NBPF9: variants seen among roughly 807,000 people sequenced by gnomAD.
NBPF9 encodes the protein NBPF member 9.
In NBPF9, 91 loss-of-function variants were observed where a neutral mutation model predicts 97.8. The observed-to-expected ratio is 0.93, with a 90% CI of 0.79 to 1.11. NBPF9 has a LOEUF of 1.11. NBPF9 is among the 50% of genes least tolerant of loss of function. The pLI, the probability that NBPF9 is intolerant of heterozygous loss-of-function variation, is 0.00. For missense variants in NBPF9, 992 were observed against 939.5 expected, an observed-to-expected ratio of 1.06 and a Z score of -0.73; for synonymous variants, 334 against 359.5, an observed-to-expected ratio of 0.93 and a Z score of 0.80.
chr1:149,062,410 G>A (rs2078677547), intron 21 of NBPF9, 145 bp from the exon 22 acceptor site: 5 of 679,220 alleles, frequency 7.4e-6, no homozygotes, highest in Non-Finnish European at 1.1e-5. Context: ...TTGCCTTTAG[G>A]TTGGGATAGA....
At chr1:149,074,247 G>C (rs2079659134) in intron 12 of NBPF9, among the ~76,000 whole-genome samples, 1 of 151,232 alleles carries the variant, frequency 6.6e-6, no homozygotes, top group Non-Finnish European at 1.5e-5. Context: ...TGTACAGTCG[G>C]GAAGGCCCCT....
intron 16 of NBPF9, among the ~76,000 whole-genome samples, chr1:149,070,664 C>G (rs1357264318): frequency 6.6e-6 from 1 of 151,880 alleles, no homozygotes; most frequent in African/African-American, 2.4e-5. Flanking sequence ...TGAATCGAAG[C>G]TAGGAGGCCT....
chr1:149,058,795 T>A (rs1464314487), intron 26 of NBPF9, 130 bp downstream of exon 26: 2 of 679,166 alleles, frequency 2.9e-6, no homozygotes, highest in African/African-American at 3.8e-5. Context: ...CATTACAACC[T>A]ATATGCGCCC....
intron 19 of NBPF9, 125 bp from the exon 20 acceptor site, chr1:149,063,930 T>G (rs2152876462): frequency 1.5e-6 from 1 of 672,186 alleles, no homozygotes; most frequent in South Asian, 1.8e-5. Flanking sequence ...ATTAATGAGG[T>G]AACAAATTAT....
In NBPF9 at chr1:149,101,261, C is replaced by G. The variant is rs1174938021; in HGVS notation, c.-606+1G>C. 1.3e-5 allele frequency: 2 copies of G among 149,386 alleles called. No homozygotes were observed. Among genetic ancestry groups the G allele is most frequent in the Non-Finnish European group, 3.0e-5 (2 of 67,444 alleles). 9.3% of individuals were successfully genotyped at this position (149,386 alleles called of 1,614,324 possible). Reference sequence around the variant, plus strand: ...AAAGAGCTGAGTGTGGTGGTGCTCACCTGTAGGTCCCAGCTACTTGGGGGC... The same window carrying G: ...AAAGAGCTGAGTGTGGTGGTGCTCAGCTGTAGGTCCCAGCTACTTGGGGGC... On this transcript the variant is annotated splice_donor_variant, in intron 3 of 29. Transcript: ENST00000584027. LOFTEE classifies it low-confidence loss of function (5UTR_SPLICE).
chr1:149,055,860 G>T (rs782197514), exon 30 of NBPF9: 2 of 1,608,226 alleles, frequency 1.2e-6, no homozygotes, highest in African/African-American at 1.3e-5. Flanking sequence ...AGTCCTGCAA[G>T]ACTTCAGGCT....
intron 8 of NBPF9, among the ~76,000 whole-genome samples, 163 bp from the exon 9 acceptor site, chr1:149,079,384 T>C: frequency 1.3e-5 from 2 of 151,524 alleles, no homozygotes; most frequent in South Asian, 4.2e-4. Context: ...GAATAGAAAA[T>C]GGTTTACAGG....
chr1:149,065,945 C>T, intron 17 of NBPF9: 2 of 598,858 alleles, frequency 3.3e-6, no homozygotes. Flanking sequence ...CAGACTCTCC[C>T]TGTAAACTAC....
chr1:149,075,675 G>C lies in NBPF9; in HGVS notation c.968C>G (p.Ala323Gly), dbSNP rs587728611. Residue 323 changes from alanine (A) to glycine (G), a missense_variant, in exon 12 of 30, where the codon GCC (alanine) becomes GGC (glycine). Ala to Gly is a moderately conservative substitution (Grantham distance 60, BLOSUM62 0). Around this residue, in one of 11 missense-constraint regions of NBPF9, gnomAD observed 187 missense variants for 149.6 expected, o/e 1.25. Coordinates refer to ENST00000584027, the Ensembl canonical transcript of NBPF9. ...CTTACTGTATTTGTTCTGCTGGTTG[G>C]CCAGGAAGCCGGCCAGTTGAGTTAG... The C allele has an allele frequency of 1.1e-4, 176 of 1,609,866 alleles. No homozygotes were observed. The African/African-American group carries it at 2.1e-3, about 19-fold the overall frequency.
intron 5 of NBPF9, chr1:149,090,546 C>A: frequency 2.0e-6 from 1 of 494,284 alleles, no homozygotes; most frequent in Non-Finnish European, 3.6e-6. Context: ...AAATTTAAGC[C>A]TAATGCAATA....
At position 149,060,927 on chromosome 1, in the gene NBPF9, A is replaced by G. The variant is rs1200221731; in HGVS notation, c.2304-232T>C. The stretch of plus-strand genomic sequence containing the variant: ...CACACACACACACACACACACACAA[A>G]CACACACACACAGAGAACGAGCTCA... On this transcript the variant is annotated intron_variant, in intron 23 of 29. Coordinates refer to ENST00000584027, the Ensembl canonical transcript of NBPF9. 46 of 356,074 alleles carry G rather than the reference A, an allele frequency of 1.3e-4. 9 individuals carry two copies. The African/African-American group carries it at 1.5e-3, about 12-fold the overall frequency. The allele number at this position is 356,074 out of a possible 1,614,324, so 22.1% of individuals were successfully genotyped here. A position where few individuals can be genotyped will look rare whatever the true frequency, so the allele number is the denominator to read the frequency against.
Position 149,055,857 on chromosome 1 carries a change from C to T in NBPF9, c.3135G>A (p.Leu1045=), listed in dbSNP as rs28712116. 27,035 of 1,568,980 alleles carry T rather than the reference C, an allele frequency of 0.017. 4,603 individuals are homozygous for T. In the East Asian group the frequency reaches 0.37, roughly 22 times the overall value. Residue 1045 remains leucine (L), a synonymous_variant, in exon 30 of 30, where the codon TTG becomes TTA. Coordinates refer to ENST00000584027, the Ensembl canonical transcript of NBPF9. Reference sequence around the variant, plus strand: ...AATAACATCCATCCAGTGAGTCCTGCAAGACTTCAGGCTCTTCCACTTCCA... The same window carrying T: ...AATAACATCCATCCAGTGAGTCCTGTAAGACTTCAGGCTCTTCCACTTCCA...
intron 5 of NBPF9, among the ~76,000 whole-genome samples, chr1:149,088,326 T>A (rs1210065609): frequency 6.6e-6 from 1 of 151,894 alleles, no homozygotes; most frequent in African/African-American, 2.4e-5. Flanking sequence ...CTAGCATTGT[T>A]AACAAACACA....
At position 149,064,684 on chromosome 1, in the gene NBPF9, C is replaced by A. The variant is rs1279419322; in HGVS notation, c.1802-202G>T. ...TCTTTCATGAGCCTTGGGCAAAATT[C>A]CCCTGTGTTGGAATGTTATCTTCCC... On this transcript the variant is annotated intron_variant, in intron 18 of 29. Coordinates refer to ENST00000584027, the Ensembl canonical transcript of NBPF9. The A allele has an allele frequency of 6.5e-6, 4 of 610,722 alleles. No individual in the cohort carries two copies. The East Asian group carries it at 8.4e-5, about 13-fold the overall frequency. 37.8% of individuals were successfully genotyped at this position (610,722 alleles called of 1,614,324 possible).
At chr1:149,082,035 G>A (rs782110646) in exon 7 of NBPF9, 28 of 1,610,440 alleles carry the variant, frequency 1.7e-5, no homozygotes, top group South Asian at 7.7e-5. Flanking sequence ...TGAGGTTTCC[G>A]AACTGCTGTT....
intron 10 of NBPF9, 110 bp downstream of exon 10, chr1:149,077,773 G>A (rs1342990795): frequency 6.8e-7 from 1 of 1,467,650 alleles, no homozygotes; most frequent in East Asian, 2.3e-5. Context: ...CACATACTGT[G>A]GCCAAGGGGA....
exon 8 of NBPF9, chr1:149,080,053 C>T (rs1321572812): frequency 6.4e-6 from 10 of 1,573,886 alleles, no homozygotes; most frequent in African/African-American, 5.4e-5. Flanking sequence ...GTCCCCTCAC[C>T]TGAGCTCCTC....
chr1:149,062,744 A>C (rs1310329981), intron 21 of NBPF9, 118 bp downstream of exon 21: 2 of 767,798 alleles, frequency 2.6e-6, no homozygotes, highest in African/African-American at 3.4e-5. Context: ...CAGCAATGGC[A>C]GTAGGAGTAA....
At chr1:149,097,948 T>C (rs2081898830) in intron 4 of NBPF9, among the ~76,000 whole-genome samples, 2 of 151,772 alleles carry the variant, frequency 1.3e-5, no homozygotes, top group Middle Eastern at 6.8e-3. Flanking sequence ...TGTTTCCCCA[T>C]CCTGGACACA....
Sources: allele counts gnomAD v4.1 joint callset (sites outside exome capture counted in the v4.1 genomes callset), GRCh38; gene constraint gnomAD v4.1.1; regional missense constraint gnomAD v4.1.1; transcripts MANE v1.5; gene names NCBI Gene and HGNC (gene_info 2026-07-23, HGNC 2026-07-21).